CENPP: variants seen among roughly 807,000 people sequenced by gnomAD.
The protein encoded by CENPP is centromere protein P.
Under a neutral mutation model 35.6 loss-of-function variants are expected in CENPP, and 24 were observed. The observed-to-expected ratio is 0.67, with a 90% CI of 0.49 to 0.95. The LOEUF (loss-of-function observed/expected upper bound fraction) is 0.95. Ranked by LOEUF, CENPP falls within the 40% of genes least tolerant of loss-of-function variation. The probability of loss-of-function intolerance (pLI) is 0.00; values close to 1 mark genes in which losing one functional copy is unlikely to be tolerated. For missense variants in CENPP, 332 were observed against 345.3 expected (o/e 0.96, Z 0.31); for synonymous variants, 120 against 125.5 (o/e 0.96, Z 0.29).
chr9:92,332,532 A>G (rs560231140), intron 2 of CENPP, among the ~76,000 whole-genome samples, 181 bp downstream of exon 2: 3 of 152,360 alleles, frequency 2.0e-5, no homozygotes, highest in Non-Finnish European at 4.4e-5. Flanking sequence ...TGCCTGGGCC[A>G]GGCCCCGTGA....
chr9:92,390,563 AGTGTGT>A lies in CENPP; in HGVS notation c.564+10724_564+10729del, dbSNP rs61628295. On this transcript the variant is annotated intron_variant, in intron 5 of 7. Transcript: ENST00000375587. Reference sequence around the variant, plus strand: ...GTGACACAGATTGAGAGAGAAATTCAGTGTGTGTGTGTGTGTGTGTGTGTGCGCGCG... The same window carrying A: ...GTGACACAGATTGAGAGAGAAATTCAGTGTGTGTGTGTGTGTGTGCGCGCG... 1.6e-3 allele frequency among the ~76,000 whole-genome samples: 242 copies of A among 150,490 alleles called. 2 individuals carry two copies. The East Asian group carries it at 0.017, about 11-fold the overall frequency.
Position 92,616,091 on chromosome 9 carries a change from A to G in CENPP, c.*2942A>G. 1.4e-6 allele frequency: 2 copies of G among 1,457,530 alleles called. No individual in the cohort carries two copies. Among genetic ancestry groups the G allele is most frequent in the Non-Finnish European group, 1.9e-6 (2 of 1,047,528 alleles). 90.3% of individuals were successfully genotyped at this position (1,457,530 alleles called of 1,614,324 possible). ...AAAAAGTACCATTTCAGGATACACA[A>G]GCCCCCCATTCATTTCCCTCCCTCC... On this transcript the variant is annotated 3_prime_UTR_variant, in exon 8 of 8. Transcript: ENST00000375587.
rs1242390575 is a variant in CENPP at position 92,522,561 on chromosome 9, T to C, written c.565-88753T>C. On this transcript the variant is annotated intron_variant, in intron 5 of 7. Transcript: ENST00000375587. Reference sequence around the variant, plus strand: ...CCTCCCTCTTTCTGTCTCTCTCTCATAGTGTTCTCTTACCTGGTAACACAT... The same window carrying C: ...CCTCCCTCTTTCTGTCTCTCTCTCACAGTGTTCTCTTACCTGGTAACACAT... 6.9e-6 allele frequency: 11 copies of C among 1,591,590 alleles called. No individual in the cohort carries two copies. The Admixed American group carries it at 1.9e-4, about 27-fold the overall frequency.
rs1478896692 is a variant in CENPP, at chr9:92,552,014, GAT to G, written c.565-59297_565-59296del. Among the ~76,000 whole-genome samples the G allele has an allele frequency of 5.4e-4, 76 of 141,838 alleles. 7 individuals carry two copies. Among genetic ancestry groups the G allele is most frequent in the African/African-American group, 1.7e-3 (66 of 37,732 alleles). The allele number at this position is 141,838 out of a possible 152,430, so 93.1% of individuals were successfully genotyped here. A position where few individuals can be genotyped will look rare whatever the true frequency, so the allele number is the denominator to read the frequency against. ...ATGTGATATATATGTGTATATATATGATATGATAGATCTATCATATATGTGAT... is the reference window on the plus strand; with the variant it reads ...ATGTGATATATATGTGTATATATATGATGATAGATCTATCATATATGTGAT... On this transcript the variant is annotated intron_variant, in intron 5 of 7. Coordinates refer to ENST00000375587, the MANE Select transcript of CENPP (RefSeq NM_001012267.3).
At chr9:92,432,217 T>C (rs144466612) in intron 5 of CENPP, among the ~76,000 whole-genome samples, 4,705 of 151,776 alleles carry the variant, frequency 0.031, 114 homozygotes, top group South Asian at 0.083. Flanking sequence ...CCCAGCTACT[T>C]GGGAGGCTGA....
intron 5 of CENPP, among the ~76,000 whole-genome samples, chr9:92,468,670 T>C (rs1263161572): frequency 1.3e-5 from 2 of 152,228 alleles, no homozygotes; most frequent in Non-Finnish European, 2.9e-5. Context: ...ATAAATGTTT[T>C]GTAATTGTGT....
intron 5 of CENPP, among the ~76,000 whole-genome samples, chr9:92,580,571 T>C (rs1303586839): frequency 6.6e-6 from 1 of 152,252 alleles, no homozygotes; most frequent in Admixed American, 6.5e-5. Context: ...TTCTTCTAGA[T>C]TTTCTAGTTT....
intron 5 of CENPP, among the ~76,000 whole-genome samples, chr9:92,465,707 AT>A (rs1230270368): frequency 1.3e-5 from 2 of 152,330 alleles, no homozygotes; most frequent in Non-Finnish European, 2.9e-5. Flanking sequence ...ATCCAAACTA[AT>A]TTTGTGTATT....
At chr9:92,592,296 C>T (rs1850684104) in intron 5 of CENPP, among the ~76,000 whole-genome samples, 1 of 152,164 alleles carries the variant, frequency 6.6e-6, no homozygotes, top group African/African-American at 2.4e-5. Context: ...CACTCCTTTC[C>T]ATTCATTCTC....
At chr9:92,437,045 C>CA (rs1445104739) in intron 5 of CENPP, among the ~76,000 whole-genome samples, 2 of 151,992 alleles carry the variant, frequency 1.3e-5, no homozygotes, top group East Asian at 3.9e-4. Context: ...GCTAAAAATA[C>CA]AAAAAAATTA....
intron 5 of CENPP, among the ~76,000 whole-genome samples, chr9:92,513,003 T>C (rs1381986256): frequency 6.6e-6 from 1 of 152,162 alleles, no homozygotes; most frequent in Non-Finnish European, 1.5e-5. Context: ...AAGCTTCTAT[T>C]ATGTTTGACA....
chr9:92,429,790 AATC>A (rs5899160), intron 5 of CENPP, among the ~76,000 whole-genome samples: 71,408 of 150,406 alleles, frequency 0.47, 19,579 homozygotes, highest in African/African-American at 0.76. Context: ...TCCGTCTCAA[AATC>A]ATCATCATCA....
chr9:92,475,168 G>A (rs1472369646), intron 5 of CENPP, among the ~76,000 whole-genome samples: 2 of 152,002 alleles, frequency 1.3e-5, no homozygotes, highest in Non-Finnish European at 2.9e-5. Context: ...TTTCTAAAGT[G>A]CACAAAGATG....
chr9:92,562,835 C>G (rs940118631), intron 5 of CENPP, among the ~76,000 whole-genome samples: 1 of 152,054 alleles, frequency 6.6e-6, no homozygotes, highest in Non-Finnish European at 1.5e-5. Context: ...CTTTGGCAAC[C>G]GATGTAACCC....
At chr9:92,424,382 C>G (rs372138742) in intron 5 of CENPP, 3 of 152,078 alleles carry the variant, frequency 2.0e-5, no homozygotes, top group African/African-American at 4.8e-5. Flanking sequence ...GGAAAACACT[C>G]GGGTTGAATT....
At chr9:92,525,488 A>G (rs868743843) in intron 5 of CENPP, among the ~76,000 whole-genome samples, 1 of 152,236 alleles carries the variant, frequency 6.6e-6, no homozygotes, top group Non-Finnish European at 1.5e-5. Context: ...AATGGAGCTG[A>G]AAATCTCTTA....
intron 5 of CENPP, chr9:92,460,560 T>C (rs777874790): frequency 6.4e-7 from 1 of 1,565,590 alleles, no homozygotes; most frequent in South Asian, 1.1e-5. Context: ...ATAAAGTTGG[T>C]GGTAAGCCTA....
intron 5 of CENPP, among the ~76,000 whole-genome samples, chr9:92,575,723 AATT>A (rs1850265191): frequency 6.6e-6 from 1 of 152,004 alleles, no homozygotes; most frequent in East Asian, 1.9e-4. Context: ...GAGACAGGAG[AATT>A]GCGTGAACCT....
intron 4 of CENPP, among the ~76,000 whole-genome samples, chr9:92,364,368 C>T (rs1841835940): frequency 6.6e-6 from 1 of 152,022 alleles, no homozygotes; most frequent in Admixed American, 6.6e-5. Context: ...TTAGCTTTTT[C>T]TATGATTTTG....
Sources: allele counts gnomAD v4.1 joint callset (sites outside exome capture counted in the v4.1 genomes callset), GRCh38; gene constraint gnomAD v4.1.1; transcripts MANE v1.5; gene names NCBI Gene and HGNC (gene_info 2026-07-23, HGNC 2026-07-21).